The following SLC44A1 variants were observed in gnomAD, a reference collection of about 807,000 sequenced individuals.
SLC44A1 encodes solute carrier family 44 member 1.
Under a neutral mutation model 79.3 loss-of-function variants are expected in SLC44A1, and 26 were observed. The observed-to-expected ratio is 0.33, with a 90% confidence interval of 0.24 to 0.46. The LOEUF is 0.46. Ranked by LOEUF, SLC44A1 falls within the 20% of genes least tolerant of loss-of-function variation. SLC44A1 has a pLI of 1.00. For synonymous variants in SLC44A1, 263 were observed against 286.2 expected, an observed-to-expected ratio of 0.92 and a Z score of 0.82; for missense variants, 688 against 798.1, an observed-to-expected ratio of 0.86 and a Z score of 1.66.
At chr9:105,378,972 A>G (rs1165097838) in intron 13 of SLC44A1, among the ~76,000 whole-genome samples, 3 of 152,220 alleles carry the variant, frequency 2.0e-5, no homozygotes, top group African/African-American at 7.2e-5. Context: ...AATTCCATTT[A>G]TATAATAGAA....
At chr9:105,334,383 TC>T (rs201037970) in intron 3 of SLC44A1, among the ~76,000 whole-genome samples, 1 of 151,636 alleles carries the variant, frequency 6.6e-6, no homozygotes, top group East Asian at 1.9e-4. Flanking sequence ...TATTTTTTTT[TC>T]CTTTATAGTT....
intron 3 of SLC44A1, among the ~76,000 whole-genome samples, chr9:105,331,882 G>A (rs1048314580): frequency 6.6e-6 from 1 of 152,132 alleles, no homozygotes. Flanking sequence ...AGGCCTCAAG[G>A]CCTCAGTTTT....
intron 1 of SLC44A1, among the ~76,000 whole-genome samples, chr9:105,266,977 G>GT (rs200520317): frequency 4.6e-5 from 7 of 151,292 alleles, no homozygotes; most frequent in South Asian, 2.1e-4. Context: ...CCTTCTTTGA[G>GT]TTTTTTTTTC....
intron 15 of SLC44A1, among the ~76,000 whole-genome samples, chr9:105,406,213 C>CCA (rs150777262): frequency 0.051 from 7,642 of 151,158 alleles, 627 homozygotes; most frequent in African/African-American, 0.18. Flanking sequence ...ACTTCAGTGG[C>CCA]CACACACACA....
At chr9:105,303,185 C>G (rs1323931162) in intron 2 of SLC44A1, among the ~76,000 whole-genome samples, 1 of 151,962 alleles carries the variant, frequency 6.6e-6, no homozygotes, top group African/African-American at 2.4e-5. Context: ...TAAAGCACCA[C>G]TTTATTAGTA....
At chr9:105,325,676 TA>T (rs1397416771) in intron 3 of SLC44A1, among the ~76,000 whole-genome samples, 2 of 152,216 alleles carry the variant, frequency 1.3e-5, no homozygotes, top group African/African-American at 4.8e-5. Flanking sequence ...AATCACCTCT[TA>T]AAGGCACCAC....
intron 13 of SLC44A1, among the ~76,000 whole-genome samples, chr9:105,377,635 T>C (rs1588849795): frequency 6.7e-6 from 1 of 149,438 alleles, no homozygotes; most frequent in South Asian, 2.1e-4. Flanking sequence ...TGGTGGCGAG[T>C]GGCTGTAGTC....
intron 15 of SLC44A1, among the ~76,000 whole-genome samples, chr9:105,411,446 C>CTG (rs1156343764): frequency 1.1e-3 from 158 of 142,782 alleles, no homozygotes; most frequent in African/African-American, 3.8e-3. Context: ...TGGTCTCTCT[C>CTG]TGTGTATGTG....
intron 15 of SLC44A1, among the ~76,000 whole-genome samples, chr9:105,431,757 C>T (rs1829401451): frequency 6.6e-6 from 1 of 152,188 alleles, no homozygotes; most frequent in Admixed American, 6.5e-5. Flanking sequence ...CTCATACACC[C>T]ATCTCAGCAC....
chr9:105,318,445 G>A (rs1463073903), intron 3 of SLC44A1, among the ~76,000 whole-genome samples: 2 of 152,136 alleles, frequency 1.3e-5, no homozygotes, highest in Admixed American at 6.5e-5. Flanking sequence ...CTCCCAAAGT[G>A]CTGGGATTAT....
chr9:105,322,985 G>A (rs1227329761), intron 3 of SLC44A1, among the ~76,000 whole-genome samples: 1 of 151,536 alleles, frequency 6.6e-6, no homozygotes, highest in Non-Finnish European at 1.5e-5. Flanking sequence ...CACTTTGGGA[G>A]GTCAAGGCGG....
chr9:105,380,911 A>G (rs1185965489), intron 13 of SLC44A1, among the ~76,000 whole-genome samples: 1 of 152,048 alleles, frequency 6.6e-6, no homozygotes, highest in Non-Finnish European at 1.5e-5. Context: ...CAGTTTGAGA[A>G]CCATTAATGT....
Position 105,392,551 on chromosome 9 carries a change from A to G in SLC44A1, c.*3495A>G, listed in dbSNP as rs1564048687. The G allele has an allele frequency of 5.1e-6, 5 of 984,984 alleles. No individual in the cohort carries two copies. The highest frequency in any genetic ancestry group is 6.0e-6 in the Non-Finnish European group (5 of 829,866). 61.0% of individuals were successfully genotyped at this position (984,984 alleles called of 1,614,324 possible). The stretch of plus-strand genomic sequence containing the variant: ...GGATTTCACCCTAGTAGGGGGTATG[A>G]GGCACTGACCCCTTTATTCTGGACC... On this transcript the variant is annotated 3_prime_UTR_variant, in exon 16 of 16. Coordinates refer to ENST00000374720, the MANE Select transcript of SLC44A1 (RefSeq NM_080546.5).
intron 15 of SLC44A1, among the ~76,000 whole-genome samples, chr9:105,424,219 G>T (rs549696397): frequency 6.6e-6 from 1 of 152,222 alleles, no homozygotes; most frequent in South Asian, 2.1e-4. Context: ...GGGATTAAGG[G>T]GACAGGCCCA....
chr9:105,393,654 T>C lies in SLC44A1; in HGVS notation c.*4598T>C. The C allele has an allele frequency of 9.1e-6, 9 of 984,676 alleles. No homozygotes were observed. Among genetic ancestry groups the C allele is most frequent in the Non-Finnish European group, 1.1e-5 (9 of 829,226 alleles). The allele number at this position is 984,676 out of a possible 1,614,324, so 61.0% of individuals were successfully genotyped here. A position where few individuals can be genotyped will look rare whatever the true frequency, so the allele number is the denominator to read the frequency against. On this transcript the variant is annotated 3_prime_UTR_variant, in exon 16 of 16. Coordinates refer to ENST00000374720, the MANE Select transcript of SLC44A1 (RefSeq NM_080546.5). ...GTGCCCTTTCTTCCCATCTTGATTTTGTACATGTAAAGACAAATGATGATT... is the reference window on the plus strand; with the variant it reads ...GTGCCCTTTCTTCCCATCTTGATTTCGTACATGTAAAGACAAATGATGATT...
At chr9:105,417,200 C>G (rs1210055233) in intron 15 of SLC44A1, among the ~76,000 whole-genome samples, 2 of 152,218 alleles carry the variant, frequency 1.3e-5, no homozygotes, top group Admixed American at 6.5e-5. Flanking sequence ...ACACTGAGCA[C>G]TGGTTCCTAG....
chr9:105,435,799 T>C (rs1193888569), intron 15 of SLC44A1, among the ~76,000 whole-genome samples: 4 of 152,150 alleles, frequency 2.6e-5, no homozygotes, highest in African/African-American at 7.2e-5. Flanking sequence ...AAATATATCA[T>C]AGTAATGTAA....
chr9:105,362,781 A>G (rs1456598529), intron 8 of SLC44A1, 40 bp from the exon 9 acceptor site: 1 of 1,435,212 alleles, frequency 7.0e-7, no homozygotes, highest in South Asian at 1.5e-5. Flanking sequence ...TTCTGTTTTC[A>G]CTACTTATAA....
chr9:105,355,474 A>G (rs1827593491), intron 5 of SLC44A1, among the ~76,000 whole-genome samples: 2 of 152,134 alleles, frequency 1.3e-5, no homozygotes, highest in Non-Finnish European at 2.9e-5. Flanking sequence ...CAAGTCCAGT[A>G]TTTTTCACTT....
Sources: gnomAD v4.1 joint callset for allele counts (sites outside exome capture counted in the v4.1 genomes callset) on GRCh38, gnomAD v4.1.1 for gene constraint, MANE v1.5 for transcripts, NCBI Gene and HGNC (gene_info 2026-07-23, HGNC 2026-07-21) for gene names.